The following ERAP1 variants were observed in gnomAD, a reference collection of about 807,000 sequenced individuals.
ERAP1 encodes endoplasmic reticulum aminopeptidase 1, also known as adipocyte-derived leucine aminopeptidase.
In ERAP1, 86 loss-of-function variants were observed where a neutral mutation model predicts 103.7. The ratio of observed to expected loss-of-function variants is 0.83; its 90% CI spans 0.70 to 0.99. The LOEUF is 0.99. Among genes scored for constraint, ERAP1 ranks in the 50% least tolerant of loss-of-function variants. The pLI is 0.00. For missense variants in ERAP1, 1,009 were observed against 1,128.4 expected (o/e 0.89, Z 1.52); for synonymous variants, 398 against 402.4 (o/e 0.99, Z 0.13).
the ERAP1 span, chr5:96,880,173 A>G: frequency 6.2e-7 from 1 of 1,614,068 alleles, no homozygotes; most frequent in Non-Finnish European, 8.5e-7. Flanking sequence ...CTGAAATACT[A>G]TGTGGCTATG....
chr5:96,781,963 A>G (rs1775244056), intron 15 of ERAP1, 109 bp from the exon 16 acceptor site: 1 of 1,052,592 alleles, frequency 9.5e-7, no homozygotes, highest in African/African-American at 1.6e-5. Flanking sequence ...TCAGAGAAGC[A>G]TGCCTGGAAA....
chr5:96,846,074 G>A, the ERAP1 span, among the ~76,000 whole-genome samples: 703 of 151,416 alleles, frequency 4.6e-3, 3 homozygotes, highest in Non-Finnish European at 7.8e-3. Context: ...TAATTCAGTC[G>A]TAAAAAACAG....
intron 15 of ERAP1, among the ~76,000 whole-genome samples, chr5:96,782,200 G>A (rs558353309): frequency 2.0e-5 from 3 of 151,898 alleles, no homozygotes; most frequent in East Asian, 3.9e-4. Flanking sequence ...TAGTAGAGAC[G>A]GGGTTTCACC....
the ERAP1 span, among the ~76,000 whole-genome samples, chr5:96,927,636 G>A: frequency 9.9e-5 from 15 of 151,830 alleles, no homozygotes; most frequent in African/African-American, 2.9e-4. Context: ...ACAGGCGCCC[G>A]CCACCGCGCC....
At chr5:96,902,414 T>C in the ERAP1 span, 1 of 1,043,054 alleles carries the variant, frequency 9.6e-7, no homozygotes, top group Non-Finnish European at 1.5e-6. Flanking sequence ...TGTTGAGCTA[T>C]TTGAAGGAAC....
At chr5:96,792,303 G>A in intron 7 of ERAP1, 111 bp from the exon 8 acceptor site, 1 of 952,694 alleles carries the variant, frequency 1.0e-6, no homozygotes, top group Non-Finnish European at 1.7e-6. Context: ...CATTTTGGGG[G>A]CAACCTATTC....
exon 20 of ERAP1, chr5:96,761,599 T>C (rs1180046355): frequency 6.6e-6 from 1 of 152,360 alleles, no homozygotes; most frequent in Non-Finnish European, 1.5e-5. Flanking sequence ...GACTTTTTTC[T>C]GGTTTTTCAT....
the ERAP1 span, among the ~76,000 whole-genome samples, chr5:96,933,119 A>T: frequency 1.1e-4 from 17 of 152,288 alleles, no homozygotes; most frequent in African/African-American, 3.6e-4. Flanking sequence ...CCGTTGAAAC[A>T]AAACAAACTT....
At chr5:96,879,841 T>C in the ERAP1 span, 3 of 1,614,098 alleles carry the variant, frequency 1.9e-6, no homozygotes, top group Non-Finnish European at 2.5e-6. Context: ...ATCCTGGGGC[T>C]TTCCCAGTAG....
At chr5:96,816,248 T>C in the ERAP1 span, among the ~76,000 whole-genome samples, 1 of 152,224 alleles carries the variant, frequency 6.6e-6, no homozygotes, top group Non-Finnish European at 1.5e-5. Context: ...CCTTGCATTC[T>C]TTCTTAACGA....
At chr5:96,896,462 G>T in the ERAP1 span, 8 of 1,613,458 alleles carry the variant, frequency 5.0e-6, no homozygotes, top group South Asian at 8.8e-5. Context: ...CGGAAACCCC[G>T]ACTCAAATAC....
At chr5:96,909,862 T>C in the ERAP1 span, 91 of 1,245,364 alleles carry the variant, frequency 7.3e-5, no homozygotes, top group Middle Eastern at 2.7e-4. Context: ...TTAGTGAGGA[T>C]AGAAAAAAAA....
the ERAP1 span, among the ~76,000 whole-genome samples, chr5:96,906,643 C>T: frequency 6.6e-6 from 1 of 152,182 alleles, no homozygotes; most frequent in African/African-American, 2.4e-5. Flanking sequence ...AATTTAAAGA[C>T]AGGGGTCTTG....
intron 8 of ERAP1, 121 bp from the exon 9 acceptor site, chr5:96,790,764 G>A (rs1776644529): frequency 1.2e-5 from 11 of 893,784 alleles, no homozygotes; most frequent in South Asian, 1.2e-4. Flanking sequence ...CACTGTTAAT[G>A]TCTGGCAATT....
the ERAP1 span, among the ~76,000 whole-genome samples, chr5:96,833,755 A>G: frequency 2.0e-5 from 3 of 151,124 alleles, no homozygotes; most frequent in African/African-American, 7.3e-5. Flanking sequence ...CCAAGATTGC[A>G]CCACTGCACT....
At chr5:96,927,548 G>A in the ERAP1 span, among the ~76,000 whole-genome samples, 1 of 150,578 alleles carries the variant, frequency 6.6e-6, no homozygotes, top group Admixed American at 6.6e-5. Flanking sequence ...GTGCAGTGGC[G>A]CAATCTCGGC....
chr5:96,898,344 A>C, the ERAP1 span, among the ~76,000 whole-genome samples: 2 of 152,126 alleles, frequency 1.3e-5, no homozygotes, highest in Non-Finnish European at 2.9e-5. Flanking sequence ...TTTGTGGTTA[A>C]AGAAACAAAA....
intron 8 of ERAP1, among the ~76,000 whole-genome samples, chr5:96,791,096 T>C (rs1228358785): frequency 6.6e-6 from 1 of 152,158 alleles, no homozygotes; most frequent in Non-Finnish European, 1.5e-5. Context: ...GAAAAGTGGA[T>C]ATGTCCAGGG....
rs559746164 is a variant in ERAP1 at position 96,803,544 on chromosome 5, T to A, written c.383A>T (p.Gln128Leu). 1 of 1,613,712 alleles carries A rather than the reference T, an allele frequency of 6.2e-7. No individual in the cohort carries two copies. ...EPLQVLEHPR[Q>L]EQIALLAPEP... is the part of the protein sequence containing the mutation. ...GGGAGCCAGCAGTGCAATTTGCTCC[T>A]GACGGGGGTGTTCCAGGACCTGCAG... is the stretch of plus-strand genomic sequence containing the variant. Residue 128 changes from glutamine to leucine, a missense_variant, in exon 2 of 19, where the codon CAG becomes CTG. Physicochemically the swap from Gln to Leu is moderately radical, Grantham distance 113. Transcript: ENST00000443439.
Sources: allele counts gnomAD v4.1 joint callset (sites outside exome capture counted in the v4.1 genomes callset), GRCh38; gene constraint gnomAD v4.1.1; transcripts MANE v1.5; gene names NCBI Gene and HGNC (gene_info 2026-07-23, HGNC 2026-07-21).